PARD6G: variants seen among roughly 807,000 people sequenced by gnomAD.
The protein encoded by PARD6G is par-6 family cell polarity regulator gamma.
Under a neutral mutation model 10.7 loss-of-function variants are expected in PARD6G, and 7 were observed. That is an observed-to-expected ratio of 0.66 (90% CI 0.37 to 1.23). The LOEUF (loss-of-function observed/expected upper bound fraction) is 1.23, where lower values mean the gene tolerates loss of function less well. Ranked by LOEUF, PARD6G falls within the 50% of genes most tolerant of loss-of-function variation. PARD6G has a pLI of 0.02. For missense variants in PARD6G, 548 were observed against 571.8 expected (o/e 0.96, Z 0.42); for synonymous variants, 287 against 269.4 (o/e 1.07, Z -0.64).
intron 2 of PARD6G, among the ~76,000 whole-genome samples, chr18:80,167,301 T>C (rs2052743034): frequency 6.8e-6 from 1 of 146,242 alleles, no homozygotes; most frequent in African/African-American, 2.5e-5. Flanking sequence ...CAGTGTTGTG[T>C]GTGGACCCGT....
At position 80,242,893 on chromosome 18, in the gene PARD6G, A is replaced by G. The variant is rs149287517; in HGVS notation, c.72+4384T>C. Among the ~76,000 whole-genome samples the G allele has an allele frequency of 2.9e-3, 444 of 152,308 alleles. 3 individuals carry two copies. Among genetic ancestry groups the G allele is most frequent in the African/African-American group, 0.01 (430 of 41,560 alleles). ...AGAATGAGAAAATGCCCAGCGCTAG[A>G]AGGAGGAAAGAAGAAAGGGATGGGG... On this transcript the variant is annotated intron_variant, in intron 1 of 2. Transcript: ENST00000353265.
chr18:80,219,530 C>CA (rs1440122328), intron 1 of PARD6G, among the ~76,000 whole-genome samples: 1 of 152,172 alleles, frequency 6.6e-6, no homozygotes, highest in African/African-American at 2.4e-5. Flanking sequence ...TTTATCACAT[C>CA]ATCAGGCTGC....
intron 2 of PARD6G, among the ~76,000 whole-genome samples, chr18:80,166,221 C>T (rs866329439): frequency 4.0e-5 from 6 of 151,482 alleles, no homozygotes; most frequent in Non-Finnish European, 8.8e-5. Context: ...ACAGCCTCAG[C>T]TCATGGACAC....
intron 1 of PARD6G, among the ~76,000 whole-genome samples, chr18:80,240,743 G>A (rs9962760): frequency 2.6e-5 from 4 of 152,222 alleles, no homozygotes; most frequent in African/African-American, 7.2e-5. Flanking sequence ...CTGGTCTTGC[G>A]GGGTGGTGGG....
At chr18:80,196,160 C>T (rs1046390720) in intron 2 of PARD6G, among the ~76,000 whole-genome samples, 5 of 152,040 alleles carry the variant, frequency 3.3e-5, no homozygotes, top group Admixed American at 2.6e-4. Flanking sequence ...CTGATATGTC[C>T]ACCATTGATG....
Position 80,247,487 on chromosome 18 carries a change from G to C in PARD6G, c.-139C>G. On this transcript the variant is annotated 5_prime_UTR_variant, in exon 1 of 3. Coordinates refer to ENST00000353265, the MANE Select transcript of PARD6G (RefSeq NM_032510.4). This position sits in a 1 kb window ranked among gnomAD's most constrained non-coding sequence, Gnocchi z 4.2. ...CCGGCGGGCTGCTCCCGGTGCTGCG[G>C]GCCCGAGCTGGGCTGGCCGCGCGCC... is the stretch of plus-strand genomic sequence containing the variant. The C allele has an allele frequency of 2.9e-6, 1 of 349,372 alleles. No individual in the cohort carries two copies. Among genetic ancestry groups the C allele is most frequent in the Non-Finnish European group, 4.2e-6 (1 of 240,644 alleles). The allele number at this position is 349,372 out of a possible 1,614,324, so 21.6% of individuals were successfully genotyped here.
chr18:80,225,324 C>G (rs926416566), intron 1 of PARD6G, among the ~76,000 whole-genome samples: 3 of 152,220 alleles, frequency 2.0e-5, no homozygotes, highest in Non-Finnish European at 4.4e-5. Flanking sequence ...CTTCAACAAA[C>G]CAAAGGGAGG....
chr18:80,167,546 C>T (rs1238006372), intron 2 of PARD6G, among the ~76,000 whole-genome samples: 2 of 152,006 alleles, frequency 1.3e-5, no homozygotes, highest in Non-Finnish European at 2.9e-5. Flanking sequence ...AGCAACGCTC[C>T]ACCATGTTTC....
intron 1 of PARD6G, among the ~76,000 whole-genome samples, chr18:80,218,021 A>G (rs1967188753): frequency 6.6e-6 from 1 of 152,162 alleles, no homozygotes; most frequent in Admixed American, 6.5e-5. Flanking sequence ...CTATGATTCA[A>G]TTACCTCCCA....
At chr18:80,225,305 C>T (rs1244910639) in intron 1 of PARD6G, among the ~76,000 whole-genome samples, 1 of 152,218 alleles carries the variant, frequency 6.6e-6, no homozygotes, top group Non-Finnish European at 1.5e-5. Flanking sequence ...CCTGGACCCA[C>T]GTGCTGTTCT....
rs532514245 is a variant in PARD6G at position 80,160,923 on chromosome 18, C to T, written c.296-317G>A. Among the ~76,000 whole-genome samples the T allele has an allele frequency of 2.8e-4, 42 of 152,322 alleles. No individual in the cohort carries two copies. In the South Asian group the frequency reaches 8.5e-3, roughly 31 times the overall value. On this transcript the variant is annotated intron_variant, in intron 2 of 2. Coordinates refer to ENST00000353265, the MANE Select transcript of PARD6G (RefSeq NM_032510.4). ...TTAGGGCTTGGAGGGCTGGCGAGTG[C>T]CTCAGCCTTCTGGGAGGCAGCAGGC...
intron 1 of PARD6G, among the ~76,000 whole-genome samples, chr18:80,210,530 C>A (rs762313497): frequency 1.3e-5 from 2 of 152,156 alleles, no homozygotes; most frequent in Non-Finnish European, 2.9e-5. Context: ...TCTTGCAGCT[C>A]CAGGAAAAGC....
At chr18:80,223,381 T>A (rs12953936) in intron 1 of PARD6G, among the ~76,000 whole-genome samples, 28,550 of 152,140 alleles carry the variant, frequency 0.19, 3,456 homozygotes, top group African/African-American at 0.34. Flanking sequence ...ATAAGGGACT[T>A]GTGCCTCTGA....
At chr18:80,194,756 A>C (rs9956558) in intron 2 of PARD6G, among the ~76,000 whole-genome samples, 33,955 of 152,040 alleles carry the variant, frequency 0.22, 5,258 homozygotes, top group African/African-American at 0.44. Flanking sequence ...TTAGGAAGTA[A>C]AGGATGTGAA....
chr18:80,242,614 G>C (rs1383291978), intron 1 of PARD6G, among the ~76,000 whole-genome samples: 2 of 152,192 alleles, frequency 1.3e-5, no homozygotes, highest in African/African-American at 4.8e-5. Flanking sequence ...TTAATGCCTG[G>C]GGGCAAGGTC....
intron 1 of PARD6G, among the ~76,000 whole-genome samples, chr18:80,222,530 A>C (rs1393301831): frequency 6.6e-6 from 1 of 152,238 alleles, no homozygotes; most frequent in Non-Finnish European, 1.5e-5. Flanking sequence ...TATCCAGAAG[A>C]ATCTTGAAAA....
intron 1 of PARD6G, among the ~76,000 whole-genome samples, chr18:80,236,244 C>G (rs1027162901): frequency 5.9e-5 from 9 of 152,168 alleles, no homozygotes; most frequent in African/African-American, 2.2e-4. Context: ...GAACCAACGA[C>G]AAAAACCACA....
chr18:80,241,786 A>G (rs79496554), intron 1 of PARD6G, among the ~76,000 whole-genome samples: 3,824 of 152,258 alleles, frequency 0.025, 155 homozygotes, highest in African/African-American at 0.088. Context: ...TAAGCAGCCA[A>G]GTGAACACAT....
rs1966907488 is a variant in PARD6G, at chr18:80,192,520, T to C, written c.295+10190A>G. Among the ~76,000 whole-genome samples, 1 of 144,806 alleles carries C rather than the reference T, an allele frequency of 6.9e-6. No individual in the cohort carries two copies. The highest frequency in any genetic ancestry group is 2.6e-5 in the African/African-American group (1 of 37,758). 95.0% of individuals were successfully genotyped at this position (144,806 alleles called of 152,430 possible). ...AGCCCAGGGGACGGGGGAGAGCAGGTGCCACGGCGGGAGCCCAGGGGATGG... is the reference window on the plus strand; with the variant it reads ...AGCCCAGGGGACGGGGGAGAGCAGGCGCCACGGCGGGAGCCCAGGGGATGG... On this transcript the variant is annotated intron_variant, in intron 2 of 2. Transcript: ENST00000353265. This position sits in a 1 kb window ranked among gnomAD's most constrained non-coding sequence, Gnocchi z 4.9.
Sources: gnomAD v4.1 joint callset for allele counts (sites outside exome capture counted in the v4.1 genomes callset) on GRCh38, gnomAD v4.1.1 for gene constraint, Gnocchi (gnomAD v3.1) non-coding constraint, MANE v1.5 for transcripts, NCBI Gene and HGNC (gene_info 2026-07-23, HGNC 2026-07-21) for gene names.